Variants in PXDNL observed in about 807,000 individuals in gnomAD.
The protein encoded by PXDNL is probable oxidoreductase PXDNL.
PXDNL carries 145 observed loss-of-function variants against 150.8 expected under a neutral mutation model. The observed-to-expected ratio is 0.96, with a 90% CI of 0.84 to 1.10. PXDNL has a LOEUF of 1.10. Among genes scored for constraint, PXDNL ranks in the 50% least tolerant of loss-of-function variants. The probability of loss-of-function intolerance (pLI) is 0.00; values close to 1 mark genes in which losing one functional copy is unlikely to be tolerated. For missense variants in PXDNL, 2,087 were observed against 1,873.9 expected (o/e 1.11, Z -2.10); for synonymous variants, 757 against 725.7 (o/e 1.04, Z -0.69).
chr8:51,452,935 A>AACATACACACACACACACAC (rs1809839599), intron 10 of PXDNL, among the ~76,000 whole-genome samples: 1 of 142,566 alleles, frequency 7.0e-6, no homozygotes, highest in Admixed American at 6.8e-5. Flanking sequence ...CACACACACA[A>AACATACACACACACACACAC]ACACACACAC....
chr8:51,548,094 CAAA>C (rs35793477), intron 4 of PXDNL, among the ~76,000 whole-genome samples: 17 of 101,170 alleles, frequency 1.7e-4, no homozygotes, highest in East Asian at 5.2e-4. Context: ...CTTCAGAATT[CAAA>C]AAAAAAAAAA....
At chr8:51,382,204 G>A (rs890133050) in intron 17 of PXDNL, among the ~76,000 whole-genome samples, 1 of 152,120 alleles carries the variant, frequency 6.6e-6, no homozygotes, top group African/African-American at 2.4e-5. Context: ...TCCTACAGCA[G>A]AGGCAGGGAC....
chr8:51,615,823 C>T (rs1006817001), intron 2 of PXDNL, among the ~76,000 whole-genome samples: 32 of 152,338 alleles, frequency 2.1e-4, no homozygotes, highest in Middle Eastern at 6.8e-3. Context: ...GATCAGCCCT[C>T]TGCATACATT....
intron 1 of PXDNL, among the ~76,000 whole-genome samples, chr8:51,663,499 G>A (rs770221152): frequency 1.3e-5 from 2 of 152,052 alleles, no homozygotes; most frequent in Non-Finnish European, 2.9e-5. Flanking sequence ...GACATTGACC[G>A]AGTTAATGGA....
chr8:51,492,081 C>G (rs1810908688), intron 5 of PXDNL, among the ~76,000 whole-genome samples: 1 of 152,240 alleles, frequency 6.6e-6, no homozygotes, highest in Non-Finnish European at 1.5e-5. Flanking sequence ...GTTGCAGTAA[C>G]TGCATAAGAA....
intron 17 of PXDNL, among the ~76,000 whole-genome samples, chr8:51,384,008 A>C (rs910736453): frequency 6.6e-6 from 1 of 152,216 alleles, no homozygotes; most frequent in African/African-American, 2.4e-5. Flanking sequence ...GGTGTTAATG[A>C]AACAAATAAA....
At chr8:51,643,826 A>C (rs1814835335) in intron 2 of PXDNL, among the ~76,000 whole-genome samples, 1 of 152,202 alleles carries the variant, frequency 6.6e-6, no homozygotes, top group Non-Finnish European at 1.5e-5. Flanking sequence ...GAATCTAGAA[A>C]GAACTCAAAC....
intron 3 of PXDNL, among the ~76,000 whole-genome samples, chr8:51,560,446 A>T (rs1258630151): frequency 6.6e-6 from 1 of 152,036 alleles, no homozygotes; most frequent in East Asian, 1.9e-4. Flanking sequence ...TCAAAACAGC[A>T]TGGTACTGGC....
intron 7 of PXDNL, among the ~76,000 whole-genome samples, chr8:51,473,763 A>C (rs1033331767): frequency 2.7e-5 from 4 of 148,510 alleles, no homozygotes; most frequent in Non-Finnish European, 3.0e-5. Flanking sequence ...AAAAAAAAAA[A>C]CAGTAAGTGA....
rs1585627001 is a variant in PXDNL at position 51,621,454 on chromosome 8, G to C, written c.237-28756C>G. Among the ~76,000 whole-genome samples the C allele has an allele frequency of 4.6e-5, 5 of 108,092 alleles. No individual in the cohort carries two copies. The South Asian group carries it at 1.1e-3, about 24-fold the overall frequency. The allele number at this position is 108,092 out of a possible 152,430, so 70.9% of individuals were successfully genotyped here. Reference sequence around the variant, plus strand: ...AGAATGAGTGTGTGTGTGTCTGTGTGTGTGTGTGTGTGTGTGTGTGTGTGT... The same window carrying C: ...AGAATGAGTGTGTGTGTGTCTGTGTCTGTGTGTGTGTGTGTGTGTGTGTGT... On this transcript the variant is annotated intron_variant, in intron 2 of 22. Coordinates refer to ENST00000356297, the MANE Select transcript of PXDNL (RefSeq NM_144651.5).
chr8:51,758,439 T>G (rs2037126151), intron 1 of PXDNL, among the ~76,000 whole-genome samples: 1 of 152,208 alleles, frequency 6.6e-6, no homozygotes, highest in South Asian at 2.1e-4. Flanking sequence ...ACAATTAGAA[T>G]GCTATTTCAA....
At chr8:51,387,827 A>T (rs1480788055) in intron 17 of PXDNL, among the ~76,000 whole-genome samples, 1 of 152,280 alleles carries the variant, frequency 6.6e-6, no homozygotes, top group Admixed American at 6.5e-5. Flanking sequence ...TGGGTTTTAT[A>T]ACTGTATATT....
At chr8:51,786,277 C>T (rs1479173157) in intron 1 of PXDNL, among the ~76,000 whole-genome samples, 3 of 152,034 alleles carry the variant, frequency 2.0e-5, no homozygotes, top group African/African-American at 7.2e-5. Context: ...AGCACAGTCT[C>T]AGCTCACTGC....
intron 15 of PXDNL, among the ~76,000 whole-genome samples, chr8:51,411,982 T>C (rs1247272670): frequency 6.6e-6 from 1 of 152,190 alleles, no homozygotes; most frequent in Non-Finnish European, 1.5e-5. Flanking sequence ...ACATATTGTC[T>C]CCTCTGCTAA....
At chr8:51,683,528 A>C (rs561913036) in intron 1 of PXDNL, among the ~76,000 whole-genome samples, 4 of 152,116 alleles carry the variant, frequency 2.6e-5, no homozygotes, top group Middle Eastern at 3.4e-3. Flanking sequence ...AGCAGACATA[A>C]AGTCTCAATT....
rs1442453085 is a variant in PXDNL at position 51,409,612 on chromosome 8, G to A, written c.2063-51C>T. On this transcript the variant is annotated intron_variant, in intron 16 of 22. Transcript: ENST00000356297. ...GAGGAGGGCGGGCCTGGGAGGGCGC[G>A]GGCAACTTGGAACTCCAGATGCTGC... 28 of 1,462,228 alleles carry A rather than the reference G, an allele frequency of 1.9e-5. No homozygotes were observed. The East Asian group carries it at 5.3e-4, about 28-fold the overall frequency. 90.6% of individuals were successfully genotyped at this position (1,462,228 alleles called of 1,614,324 possible).
chr8:51,494,734 C>A (rs190781233), intron 5 of PXDNL, among the ~76,000 whole-genome samples: 1 of 152,068 alleles, frequency 6.6e-6, no homozygotes, highest in East Asian at 1.9e-4. Flanking sequence ...AGCTAACTCT[C>A]CTAAATATAT....
At chr8:51,528,636 C>T (rs757181080) in intron 4 of PXDNL, among the ~76,000 whole-genome samples, 1 of 152,098 alleles carries the variant, frequency 6.6e-6, no homozygotes, top group Admixed American at 6.5e-5. Flanking sequence ...CCAATCTAAT[C>T]ACACCAGTTC....
intron 4 of PXDNL, among the ~76,000 whole-genome samples, chr8:51,526,779 A>G (rs1255554214): frequency 6.6e-6 from 1 of 152,104 alleles, no homozygotes; most frequent in East Asian, 1.9e-4. Context: ...CTGGACCACC[A>G]TTACCTCTCT....
Sources: allele counts gnomAD v4.1 joint callset (sites outside exome capture counted in the v4.1 genomes callset), GRCh38; gene constraint gnomAD v4.1.1; transcripts MANE v1.5; gene names NCBI Gene and HGNC (gene_info 2026-07-23, HGNC 2026-07-21).